The following MGAT4C variants were observed in gnomAD, a reference collection of about 807,000 sequenced individuals.
MGAT4C encodes the protein alpha-1,3-mannosyl-glycoprotein 4-beta-N-acetylglucosaminyltransferase C.
MGAT4C carries 19 observed loss-of-function variants against 40.1 expected under a neutral mutation model. That is an observed-to-expected ratio of 0.47 (90% CI 0.33 to 0.70). MGAT4C has a LOEUF of 0.70. Among genes scored for constraint, MGAT4C ranks in the 30% least tolerant of loss-of-function variants. The pLI is 0.02. For missense variants in MGAT4C, 491 were observed against 563.2 expected, an observed-to-expected ratio of 0.87 and a Z score of 1.30; for synonymous variants, 181 against 187.1, an observed-to-expected ratio of 0.97 and a Z score of 0.27.
intron 1 of MGAT4C, among the ~76,000 whole-genome samples, chr12:86,771,562 G>A (rs143431975): frequency 2.6e-5 from 4 of 152,106 alleles, no homozygotes; most frequent in Admixed American, 6.6e-5. Context: ...CAGAATGTAA[G>A]TAAGGATGGG....
chr12:86,005,296 T>C (rs1887761235), intron 2 of MGAT4C, among the ~76,000 whole-genome samples: 1 of 152,214 alleles, frequency 6.6e-6, no homozygotes, highest in Non-Finnish European at 1.5e-5. Context: ...CTTCCAGAAT[T>C]TGTAAACTAT....
At chr12:86,632,079 T>A (rs1014642512) in intron 2 of MGAT4C, among the ~76,000 whole-genome samples, 15 of 151,652 alleles carry the variant, frequency 9.9e-5, no homozygotes, top group African/African-American at 3.6e-4. Context: ...AACAACCCCA[T>A]CAAAAAGTGG....
chr12:86,651,981 T>C (rs1963710779), intron 2 of MGAT4C, among the ~76,000 whole-genome samples: 1 of 151,922 alleles, frequency 6.6e-6, no homozygotes, highest in South Asian at 2.1e-4. Flanking sequence ...GAAGATATGC[T>C]TTTTACAGAC....
intron 2 of MGAT4C, among the ~76,000 whole-genome samples, chr12:86,683,575 G>GA (rs200119329): frequency 4.1e-4 from 61 of 149,756 alleles, no homozygotes; most frequent in Admixed American, 4.7e-4. Context: ...TCACTACTAT[G>GA]AAAAAAAAAC....
chr12:86,302,610 G>A (rs1044917687), intron 4 of MGAT4C, among the ~76,000 whole-genome samples: 1 of 150,448 alleles, frequency 6.6e-6, no homozygotes, highest in Non-Finnish European at 1.5e-5. Flanking sequence ...TGTATTTTTA[G>A]TAGAGACAGG....
intron 1 of MGAT4C, among the ~76,000 whole-genome samples, chr12:86,065,809 C>A (rs1317261923): frequency 6.6e-6 from 1 of 152,042 alleles, no homozygotes; most frequent in African/African-American, 2.4e-5. Context: ...TTTAGAAAAC[C>A]CCATAGTCTC....
At position 86,619,326 on chromosome 12, in the gene MGAT4C, T is replaced by C. The variant is rs181440610; in HGVS notation, c.-229+107883A>G. The stretch of plus-strand genomic sequence containing the variant: ...TTTTATTTTATTGATAATGTCATTC[T>C]CTCATAGTATCTCAGGATGAGATCT... On this transcript the variant is annotated intron_variant, in intron 2 of 7. Coordinates refer to the MGAT4C transcript ENST00000548651. 5.3e-5 allele frequency among the ~76,000 whole-genome samples: 8 copies of C among 152,268 alleles called. No individual in the cohort carries two copies. In the East Asian group the frequency reaches 1.4e-3, roughly 26 times the overall value.
chr12:86,625,465 A>G (rs1293800807), intron 2 of MGAT4C, among the ~76,000 whole-genome samples: 1 of 152,212 alleles, frequency 6.6e-6, no homozygotes, highest in Non-Finnish European at 1.5e-5. Context: ...GAAAAGGAAC[A>G]TAACAGAAAC....
intron 1 of MGAT4C, among the ~76,000 whole-genome samples, chr12:86,197,697 G>A (rs1297623498): frequency 6.6e-6 from 1 of 152,142 alleles, no homozygotes; most frequent in African/African-American, 2.4e-5. Flanking sequence ...AAGATAGACA[G>A]ACAGATAGAT....
At chr12:86,492,703 A>G (rs1958162025) in intron 2 of MGAT4C, among the ~76,000 whole-genome samples, 2 of 152,166 alleles carry the variant, frequency 1.3e-5, no homozygotes, top group Non-Finnish European at 2.9e-5. Context: ...CCTAGAAGAA[A>G]ACCTAGGCAT....
chr12:86,357,213 T>A (rs1459482642), intron 3 of MGAT4C, among the ~76,000 whole-genome samples: 1 of 152,160 alleles, frequency 6.6e-6, no homozygotes, highest in Non-Finnish European at 1.5e-5. Context: ...GCAAACAGGA[T>A]CTGGAGTGGA....
intron 2 of MGAT4C, among the ~76,000 whole-genome samples, chr12:86,667,761 TA>T: frequency 6.6e-6 from 1 of 152,218 alleles, no homozygotes; most frequent in East Asian, 1.9e-4. Flanking sequence ...TTCCAACATT[TA>T]AAAACTGTGT....
At chr12:86,450,033 C>T (rs565011124) in intron 2 of MGAT4C, among the ~76,000 whole-genome samples, 1 of 152,106 alleles carries the variant, frequency 6.6e-6, no homozygotes, top group East Asian at 1.9e-4. Flanking sequence ...TGATTTTGTC[C>T]TGAAGAAAAA....
At chr12:86,045,381 T>A (rs1892293661) in intron 2 of MGAT4C, among the ~76,000 whole-genome samples, 1 of 152,210 alleles carries the variant, frequency 6.6e-6, no homozygotes, top group Non-Finnish European at 1.5e-5. Context: ...ATTTTACTGC[T>A]GAACCATGTC....
intron 1 of MGAT4C, among the ~76,000 whole-genome samples, chr12:86,050,356 G>GAATAAAATTCTCT (rs1892781742): frequency 6.6e-6 from 1 of 151,888 alleles, no homozygotes; most frequent in Non-Finnish European, 1.5e-5. Context: ...ATAAATAAGC[G>GAATAAAATTCTCT]AATAAAATTC....
At chr12:86,520,918 A>C (rs1160919586) in intron 2 of MGAT4C, among the ~76,000 whole-genome samples, 2 of 151,698 alleles carry the variant, frequency 1.3e-5, no homozygotes, top group African/African-American at 4.8e-5. Context: ...TTTTTAAAGA[A>C]ATTGTTTTTT....
intron 1 of MGAT4C, among the ~76,000 whole-genome samples, chr12:86,767,847 A>T (rs914969359): frequency 2.6e-5 from 4 of 152,134 alleles, no homozygotes; most frequent in African/African-American, 9.7e-5. Context: ...CAGTAAATTA[A>T]GTATTGATGG....
upstream of MGAT4C, among the ~76,000 whole-genome samples, chr12:86,259,542 A>G (rs1013259169): frequency 6.6e-6 from 1 of 151,706 alleles, no homozygotes; most frequent in Non-Finnish European, 1.5e-5. Flanking sequence ...ACATGTGGAA[A>G]AGTAAAATGC....
At chr12:86,053,773 A>T (rs1197687753) in intron 1 of MGAT4C, among the ~76,000 whole-genome samples, 1 of 151,996 alleles carries the variant, frequency 6.6e-6, no homozygotes, top group African/African-American at 2.4e-5. Context: ...CAAGTACAGG[A>T]ATAAACATTT....
Sources: allele counts gnomAD v4.1 joint callset (sites outside exome capture counted in the v4.1 genomes callset), GRCh38; gene constraint gnomAD v4.1.1; transcripts MANE v1.5; gene names NCBI Gene and HGNC (gene_info 2026-07-23, HGNC 2026-07-21).